The following OSBPL9 variants were observed in gnomAD, a reference collection of about 807,000 sequenced individuals.
OSBPL9 encodes oxysterol binding protein like 9.
A neutral mutation model predicts 106.6 loss-of-function variants in OSBPL9; 40 were observed. The ratio of observed to expected loss-of-function variants is 0.38; its 90% CI spans 0.29 to 0.49. OSBPL9 has a LOEUF of 0.49. Ranked by LOEUF, OSBPL9 falls within the 20% of genes least tolerant of loss-of-function variation. The probability of loss-of-function intolerance (pLI) is 0.97; values close to 1 mark genes in which losing one functional copy is unlikely to be tolerated. For synonymous variants in OSBPL9, 269 were observed against 295.4 expected (o/e 0.91, Z 0.92); for missense variants, 609 against 887.2 (o/e 0.69, Z 3.98).
chr1:51,784,016 A>G lies in OSBPL9; in HGVS notation c.1615A>G (p.Ile539Val), dbSNP rs956587665. The change falls in exon 18 of 24, where the codon ATA becomes GTA. Residue 539 changes from isoleucine (I) to valine (V), a missense_variant. Coordinates refer to ENST00000428468, the MANE Select transcript of OSBPL9 (RefSeq NM_024586.6). ...TGGGATGTCAATTGGGGTGCACAAC[A>G]TAGGGCAGGGTAAGTGTGTTGGCAT... is the stretch of plus-strand genomic sequence containing the variant. ...FLGMSIGVHN[I>V]GQGCVSCLDY... 6.2e-7 allele frequency: 1 copy of G among 1,609,644 alleles called. No individual in the cohort carries two copies. The highest frequency in any genetic ancestry group is 1.7e-5 in the Admixed American group (1 of 60,022).
rs1335906911 is a variant in OSBPL9 at position 51,761,723 on chromosome 1, G to C, written c.674-144G>C. On this transcript the variant is annotated intron_variant, in intron 10 of 23. Transcript: ENST00000428468. ...GTTTAAGAGGCTAGGAAGTCAAAAG[G>C]AAGGAGTAGCATGGAACTAGACTTA... 4 of 597,298 alleles carry C rather than the reference G, an allele frequency of 6.7e-6. No individual in the cohort carries two copies. In the African/African-American group the frequency reaches 7.3e-5, roughly 11 times the overall value. 37.0% of individuals were successfully genotyped at this position (597,298 alleles called of 1,614,324 possible).
intron 4 of OSBPL9, among the ~76,000 whole-genome samples, chr1:51,734,829 T>TC (rs923538678): frequency 6.6e-6 from 1 of 151,788 alleles, no homozygotes; most frequent in African/African-American, 2.4e-5. Flanking sequence ...TGGTCGCCTT[T>TC]CCCCCCCAAA....
In OSBPL9 at chr1:51,760,721, A is replaced by C. The variant is rs965290228; in HGVS notation, c.614A>C (p.Gln205Pro). 1.2e-6 allele frequency: 2 copies of C among 1,613,864 alleles called. No homozygotes were observed. Among genetic ancestry groups the C allele is most frequent in the Non-Finnish European group, 1.7e-6 (2 of 1,179,854 alleles). The change falls in exon 10 of 24, where the codon CAA (glutamine) becomes CCA (proline). Residue 205 changes from glutamine to proline, a missense_variant. By Grantham distance (76) the Gln-to-Pro change is moderately conservative. Coordinates refer to ENST00000428468, the MANE Select transcript of OSBPL9 (RefSeq NM_024586.6). Reference sequence around the variant, plus strand: ...ATTAATCCCGTAGATGCAATATATCAACCTAGTCCTTTGGAACCTGTGATC... The same window carrying C: ...ATTAATCCCGTAGATGCAATATATCCACCTAGTCCTTTGGAACCTGTGATC... ...STINPVDAIY[Q>P]PSPLEPVIST...
At chr1:51,604,945 C>T (rs1212421138) in intron 2 of OSBPL9, among the ~76,000 whole-genome samples, 1 of 152,216 alleles carries the variant, frequency 6.6e-6, no homozygotes, top group South Asian at 2.1e-4. Context: ...AGCCACCGCA[C>T]CTGGCCTAGC....
the OSBPL9 span, among the ~76,000 whole-genome samples, chr1:51,532,839 G>A: frequency 6.6e-6 from 1 of 152,106 alleles, no homozygotes; most frequent in African/African-American, 2.4e-5. Flanking sequence ...GAGATATTAG[G>A]ATCACTGGAT....
chr1:51,555,079 T>A, the OSBPL9 span, among the ~76,000 whole-genome samples: 3 of 152,216 alleles, frequency 2.0e-5, no homozygotes, highest in African/African-American at 7.2e-5. Context: ...CTGAACACTA[T>A]TTTAGAAGGT....
In OSBPL9 at chr1:51,729,794, G is replaced by C. The variant is rs1205449236; in HGVS notation, c.318+15715G>C. ...GGGGCGACCCCTCCGCCGGGGAGGG[G>C]ACGGGAAAGGGGTGGGGGGTGAAGG... On this transcript the variant is annotated intron_variant, in intron 4 of 23. Coordinates refer to ENST00000428468, the MANE Select transcript of OSBPL9 (RefSeq NM_024586.6). The surrounding 1 kb of genome is among the most constrained non-coding windows in gnomAD (Gnocchi z 5.1). The C allele has an allele frequency of 1.6e-6, 2 of 1,232,408 alleles. No homozygotes were observed. Among genetic ancestry groups the C allele is most frequent in the East Asian group, 6.3e-5 (2 of 31,578 alleles). 76.3% of individuals were successfully genotyped at this position (1,232,408 alleles called of 1,614,324 possible). A position where few individuals can be genotyped will look rare whatever the true frequency, so the allele number is the denominator to read the frequency against.
At chr1:51,576,361 G>A (rs115625404), upstream of OSBPL9, among the ~76,000 whole-genome samples, 2 of 152,170 alleles carry the variant, frequency 1.3e-5, no homozygotes, top group Non-Finnish European at 2.9e-5. Flanking sequence ...GACCATCATC[G>A]ACCCAGTGAA....
the OSBPL9 span, among the ~76,000 whole-genome samples, chr1:51,534,128 C>G: frequency 6.6e-6 from 1 of 151,120 alleles, no homozygotes; most frequent in South Asian, 2.1e-4. Flanking sequence ...CACTTGAACC[C>G]GGGAGGAGGA....
At chr1:51,651,708 C>T (rs889211321) in intron 1 of OSBPL9, among the ~76,000 whole-genome samples, 5 of 151,868 alleles carry the variant, frequency 3.3e-5, no homozygotes, top group Admixed American at 6.6e-5. Context: ...GAGAAACATT[C>T]GTACTTAAGG....
the OSBPL9 span, among the ~76,000 whole-genome samples, chr1:51,529,384 C>G: frequency 6.6e-6 from 1 of 151,978 alleles, no homozygotes; most frequent in Non-Finnish European, 1.5e-5. Flanking sequence ...ACTACAGATG[C>G]CCGCCACCAT....
the OSBPL9 span, among the ~76,000 whole-genome samples, chr1:51,568,179 T>C: frequency 1.3e-5 from 2 of 152,338 alleles, no homozygotes; most frequent in African/African-American, 4.8e-5. Flanking sequence ...AGAAGCTGAC[T>C]TTCAGTTGAG....
chr1:51,661,088 T>C (rs915350715), intron 2 of OSBPL9, among the ~76,000 whole-genome samples: 1 of 152,226 alleles, frequency 6.6e-6, no homozygotes, highest in Non-Finnish European at 1.5e-5. Flanking sequence ...AAATGCACTA[T>C]GTGAATGTAA....
intron 3 of OSBPL9, among the ~76,000 whole-genome samples, chr1:51,679,415 G>A (rs955040147): frequency 2.4e-4 from 37 of 152,150 alleles, no homozygotes; most frequent in Non-Finnish European, 2.8e-4. Context: ...GTATAAAGAT[G>A]ATACTAATAA....
intron 14 of OSBPL9, among the ~76,000 whole-genome samples, chr1:51,774,928 T>C (rs1343572324): frequency 1.3e-5 from 2 of 152,240 alleles, no homozygotes; most frequent in African/African-American, 4.8e-5. Context: ...GTTTTTTGGC[T>C]GTTCAGTTCC....
intron 3 of OSBPL9, among the ~76,000 whole-genome samples, chr1:51,671,328 A>G (rs1483798613): frequency 6.6e-6 from 1 of 152,182 alleles, no homozygotes; most frequent in African/African-American, 2.4e-5. Context: ...TAAATTCTTG[A>G]TTAGAATTGA....
chr1:51,658,111 GA>G (rs1208373446), intron 2 of OSBPL9, among the ~76,000 whole-genome samples: 2,345 of 107,886 alleles, frequency 0.022, 53 homozygotes, highest in African/African-American at 0.067. Context: ...CTGTCTCAAA[GA>G]AAAAAAAAAA....
chr1:51,549,711 A>G, the OSBPL9 span, among the ~76,000 whole-genome samples: 1 of 152,232 alleles, frequency 6.6e-6, no homozygotes, highest in East Asian at 1.9e-4. Context: ...ACACGCCTGT[A>G]CTCCCAAGCT....
chr1:51,776,264 CTCA>C (rs1317771056), intron 14 of OSBPL9, among the ~76,000 whole-genome samples: 1 of 152,054 alleles, frequency 6.6e-6, no homozygotes, highest in Non-Finnish European at 1.5e-5. Context: ...ATTGTAGGTG[CTCA>C]TCATGTATTT....
Sources: gnomAD v4.1 joint callset for allele counts (sites outside exome capture counted in the v4.1 genomes callset) on GRCh38, gnomAD v4.1.1 for gene constraint, Gnocchi (gnomAD v3.1) non-coding constraint, MANE v1.5 for transcripts, NCBI Gene and HGNC (gene_info 2026-07-23, HGNC 2026-07-21) for gene names.